FBXO28: variants seen among roughly 807,000 people sequenced by gnomAD.
FBXO28 encodes F-box only protein 28.
In FBXO28, 8 loss-of-function variants were observed where a neutral mutation model predicts 38.1. The ratio of observed to expected loss-of-function variants is 0.21; its 90% CI spans 0.12 to 0.38. The LOEUF (loss-of-function observed/expected upper bound fraction) is 0.38. Ranked by LOEUF, FBXO28 falls within the 10% of genes least tolerant of loss-of-function variation. The probability of loss-of-function intolerance (pLI) is 1.00; values close to 1 mark genes in which losing one functional copy is unlikely to be tolerated. For missense variants in FBXO28, 345 were observed against 460.6 expected, an observed-to-expected ratio of 0.75 and a Z score of 2.30; for synonymous variants, 168 against 173.8, an observed-to-expected ratio of 0.97 and a Z score of 0.26.
intron 1 of FBXO28, among the ~76,000 whole-genome samples, chr1:224,127,347 T>G (rs1248527173): frequency 2.0e-5 from 3 of 152,148 alleles, no homozygotes. Flanking sequence ...TCCAGAATTT[T>G]CTGAGGTAAG....
rs901033187 is a variant in FBXO28 at position 224,159,508 on chromosome 1, G to A, written c.*1762G>A. The stretch of plus-strand genomic sequence containing the variant: ...CATCCAAGTGTTTCATGGTTTGTTG[G>A]GAAGGTAATTTTAAAATAAAACAAT... On this transcript the variant is annotated 3_prime_UTR_variant, in exon 5 of 5. Coordinates refer to ENST00000366862, the MANE Select transcript of FBXO28 (RefSeq NM_015176.4). 1 of 152,490 alleles carries A rather than the reference G, an allele frequency of 6.6e-6. No homozygotes were observed. Among genetic ancestry groups the A allele is most frequent in the African/African-American group, 2.4e-5 (1 of 41,394 alleles). The allele number at this position is 152,490 out of a possible 1,614,324, so 9.4% of individuals were successfully genotyped here.
chr1:224,140,316 T>C (rs999350242), intron 3 of FBXO28, among the ~76,000 whole-genome samples: 3 of 152,182 alleles, frequency 2.0e-5, no homozygotes, highest in African/African-American at 7.2e-5. Flanking sequence ...AATAATACTC[T>C]TCCTAGCAAT....
intron 1 of FBXO28, among the ~76,000 whole-genome samples, chr1:224,121,462 A>C (rs1656775158): frequency 1.3e-5 from 2 of 152,216 alleles, no homozygotes; most frequent in African/African-American, 4.8e-5. Flanking sequence ...GTATATTCAC[A>C]ACACACACAA....
At position 224,120,788 on chromosome 1, in the gene FBXO28, G is replaced by A. The variant is rs561932281; in HGVS notation, c.267+6392G>A. The stretch of plus-strand genomic sequence containing the variant: ...TGAGGCAGGAGAATCACTCGGACCC[G>A]GGAGCCAAAGGTTGCAGTGAGCCGA... On this transcript the variant is annotated intron_variant, in intron 1 of 4. Coordinates refer to ENST00000366862, the MANE Select transcript of FBXO28 (RefSeq NM_015176.4). Among the ~76,000 whole-genome samples, 4 of 151,658 alleles carry A rather than the reference G, an allele frequency of 2.6e-5. No individual in the cohort carries two copies. In the East Asian group the frequency reaches 7.7e-4, roughly 29 times the overall value.
chr1:224,118,036 A>G (rs1656685707), intron 1 of FBXO28, among the ~76,000 whole-genome samples: 2 of 150,106 alleles, frequency 1.3e-5, no homozygotes, highest in African/African-American at 5.0e-5. Context: ...TTTATTTTTA[A>G]TTTTTGAGAC....
chr1:224,136,376 G>A lies in FBXO28; in HGVS notation c.516+2164G>A, dbSNP rs368460020. On this transcript the variant is annotated intron_variant, in intron 3 of 4. Coordinates refer to ENST00000366862, the MANE Select transcript of FBXO28 (RefSeq NM_015176.4). ...AACATATAATCTTCATTTAATATAT[G>A]GTGTTTATGATAAGTTGTTCTTGTT... Among the ~76,000 whole-genome samples the A allele has an allele frequency of 3.0e-4, 46 of 151,854 alleles. No individual in the cohort carries two copies. In the East Asian group the frequency reaches 6.2e-3, roughly 21 times the overall value.
intron 3 of FBXO28, among the ~76,000 whole-genome samples, chr1:224,138,949 GT>G (rs529614067): frequency 6.6e-6 from 1 of 151,378 alleles, no homozygotes; most frequent in African/African-American, 2.4e-5. Context: ...GCCCAGCTAA[GT>G]TTTTTTGTAT....
chr1:224,124,046 G>A (rs757100452), intron 1 of FBXO28, among the ~76,000 whole-genome samples: 1 of 152,172 alleles, frequency 6.6e-6, no homozygotes, highest in South Asian at 2.1e-4. Context: ...GGAGGCAAAG[G>A]TTGCAGTGAG....
intron 3 of FBXO28, among the ~76,000 whole-genome samples, chr1:224,144,682 G>A (rs1448198178): frequency 6.6e-6 from 1 of 151,174 alleles, no homozygotes; most frequent in Non-Finnish European, 1.5e-5. Flanking sequence ...CACTTGATCT[G>A]GGAGGTGGGG....
intron 1 of FBXO28, among the ~76,000 whole-genome samples, chr1:224,124,068 C>G (rs1322533387): frequency 6.6e-6 from 1 of 152,146 alleles, no homozygotes; most frequent in East Asian, 1.9e-4. Flanking sequence ...GGAGATTGCA[C>G]CACTGCATTC....
intron 1 of FBXO28, among the ~76,000 whole-genome samples, chr1:224,117,315 A>C (rs2102606881): frequency 6.6e-6 from 1 of 151,974 alleles, no homozygotes; most frequent in East Asian, 2.0e-4. Flanking sequence ...CTACAGGCGC[A>C]CGCCACCATG....
At chr1:224,114,496 C>T in intron 1 of FBXO28, 100 bp downstream of exon 1, 3 of 1,062,422 alleles carry the variant, frequency 2.8e-6, no homozygotes, top group South Asian at 1.7e-5. Context: ...CCCGCGAGCC[C>T]CAGCCGGCTA....
intron 1 of FBXO28, among the ~76,000 whole-genome samples, chr1:224,129,399 T>C (rs1156258718): frequency 6.6e-6 from 1 of 152,152 alleles, no homozygotes; most frequent in Admixed American, 6.5e-5. Context: ...CATCATAAGC[T>C]CTCCATAGTT....
intron 1 of FBXO28, among the ~76,000 whole-genome samples, chr1:224,126,842 A>G (rs773189482): frequency 6.6e-6 from 1 of 152,140 alleles, no homozygotes; most frequent in South Asian, 2.1e-4. Context: ...AAAATATCAA[A>G]TAGTTTTAAT....
At chr1:224,135,054 A>G (rs1657141516) in intron 3 of FBXO28, among the ~76,000 whole-genome samples, 1 of 152,158 alleles carries the variant, frequency 6.6e-6, no homozygotes, top group Admixed American at 6.6e-5. Context: ...GGGGAATCCC[A>G]TTTCTTATGA....
intron 2 of FBXO28, among the ~76,000 whole-genome samples, chr1:224,131,184 G>A (rs1657033136): frequency 1.3e-5 from 2 of 151,312 alleles, no homozygotes; most frequent in African/African-American, 4.9e-5. Context: ...GTACTCCCCA[G>A]ATGAATCTAC....
At chr1:224,116,731 C>G (rs1656651722) in intron 1 of FBXO28, among the ~76,000 whole-genome samples, 1 of 152,152 alleles carries the variant, frequency 6.6e-6, no homozygotes, top group South Asian at 2.1e-4. Context: ...CATGTACTTA[C>G]TACTCTGCAT....
At chr1:224,118,835 T>G (rs1656704567) in intron 1 of FBXO28, among the ~76,000 whole-genome samples, 1 of 152,210 alleles carries the variant, frequency 6.6e-6, no homozygotes, top group Non-Finnish European at 1.5e-5. Context: ...CCCATAGAAC[T>G]TACCTTGGAA....
At chr1:224,147,845 A>G (rs1657548024) in intron 3 of FBXO28, among the ~76,000 whole-genome samples, 2 of 135,246 alleles carry the variant, frequency 1.5e-5, no homozygotes, top group South Asian at 4.9e-4. Flanking sequence ...AAAAAAAAAA[A>G]GATTAAATCT....
Sources: allele counts gnomAD v4.1 joint callset (sites outside exome capture counted in the v4.1 genomes callset), GRCh38; gene constraint gnomAD v4.1.1; transcripts MANE v1.5; gene names NCBI Gene and HGNC (gene_info 2026-07-23, HGNC 2026-07-21).